The following JMJD1C variants were observed in gnomAD, a reference collection of about 807,000 sequenced individuals.
The protein encoded by JMJD1C is jumonji domain-containing protein 1C.
JMJD1C carries 31 observed loss-of-function variants against 245.3 expected under a neutral mutation model. That is an observed-to-expected ratio of 0.13 (90% CI 0.09 to 0.17). The LOEUF (loss-of-function observed/expected upper bound fraction) is 0.17. JMJD1C is among the 10% of genes least tolerant of loss of function. The probability of loss-of-function intolerance (pLI) is 1.00; values close to 1 mark genes in which losing one functional copy is unlikely to be tolerated. For synonymous variants in JMJD1C, 1,057 were observed against 1,017.4 expected, an observed-to-expected ratio of 1.04 and a Z score of -0.74; for missense variants, 2,691 against 3,000.2, an observed-to-expected ratio of 0.90 and a Z score of 2.41.
chr10:63,190,038 G>T (rs1844587101), intron 17 of JMJD1C, among the ~76,000 whole-genome samples: 1 of 151,562 alleles, frequency 6.6e-6, no homozygotes, highest in South Asian at 2.1e-4. Flanking sequence ...TTACAAGCAT[G>T]CATCACCATG....
intron 2 of JMJD1C, among the ~76,000 whole-genome samples, chr10:63,268,117 T>TAAAA (rs5785563): frequency 1.4e-5 from 2 of 147,270 alleles, no homozygotes. Context: ...AATTCCAAGT[T>TAAAA]AAAAAAAAAA....
chr10:63,375,535 C>CGTGTGTGTGT (rs1206144769), intron 2 of JMJD1C, among the ~76,000 whole-genome samples: 39 of 147,472 alleles, frequency 2.6e-4, no homozygotes, highest in South Asian at 1.5e-3. Context: ...AATATTTACA[C>CGTGTGTGTGT]GTGTGTGTGT....
intron 2 of JMJD1C, chr10:63,269,287 C>A (rs1856004260): frequency 1.2e-6 from 1 of 817,120 alleles, no homozygotes. Flanking sequence ...TAACTAATCC[C>A]CCGTCACAGG....
At chr10:63,439,017 G>GCCT (rs1429932071) in intron 1 of JMJD1C, among the ~76,000 whole-genome samples, 1 of 152,072 alleles carries the variant, frequency 6.6e-6, no homozygotes, top group Non-Finnish European at 1.5e-5. Context: ...TATTCCCAGT[G>GCCT]CCTGATATGT....
intron 1 of JMJD1C, among the ~76,000 whole-genome samples, chr10:63,414,545 C>A (rs558946948): frequency 6.6e-6 from 1 of 151,906 alleles, no homozygotes; most frequent in African/African-American, 2.4e-5. Flanking sequence ...TACTGACATA[C>A]AAGAAAAATC....
At chr10:63,333,189 A>G (rs1318793103) in intron 2 of JMJD1C, among the ~76,000 whole-genome samples, 1 of 152,196 alleles carries the variant, frequency 6.6e-6, no homozygotes, top group Non-Finnish European at 1.5e-5. Context: ...GGCATGATAC[A>G]AAATTTTTAA....
In JMJD1C at chr10:63,474,305, C is replaced by T. The variant is rs140047700; in HGVS notation, n.113+47433G>A. On this transcript the variant is annotated intron_variant and non_coding_transcript_variant, in intron 1 of 3. Transcript: ENST00000633035. ...ACTGATTGCTGAGTCTCTCCTCAAT[C>T]GCTAAAATGAGTGGGAGTGTAAGAG... Among the ~76,000 whole-genome samples, 490 of 152,220 alleles carry T rather than the reference C, an allele frequency of 3.2e-3. 2 individuals are homozygous for T. The highest frequency in any genetic ancestry group is 0.011 in the African/African-American group (475 of 41,534).
At chr10:63,405,963 A>G (rs1282346729) in intron 1 of JMJD1C, among the ~76,000 whole-genome samples, 1 of 152,214 alleles carries the variant, frequency 6.6e-6, no homozygotes, top group African/African-American at 2.4e-5. Flanking sequence ...CATCAATCTT[A>G]TAAGAACGTT....
chr10:63,499,437 C>T (rs1954470948), intron 1 of JMJD1C, among the ~76,000 whole-genome samples: 1 of 152,184 alleles, frequency 6.6e-6, no homozygotes, highest in Non-Finnish European at 1.5e-5. Flanking sequence ...GGTGACCTGC[C>T]TTTAGTGGAT....
At chr10:63,448,860 G>A (rs1299137750) in intron 1 of JMJD1C, among the ~76,000 whole-genome samples, 1 of 152,232 alleles carries the variant, frequency 6.6e-6, no homozygotes, top group Non-Finnish European at 1.5e-5. Flanking sequence ...GCTCACACCT[G>A]TAATCCCAGC....
intron 3 of JMJD1C, among the ~76,000 whole-genome samples, chr10:63,234,590 A>C (rs554800179): frequency 6.7e-6 from 1 of 149,634 alleles, no homozygotes; most frequent in African/African-American, 2.5e-5. Context: ...TTAAATTTTT[A>C]GATTTGCTAA....
At chr10:63,194,581 C>G in intron 13 of JMJD1C, 1 of 433,360 alleles carries the variant, frequency 2.3e-6, no homozygotes, top group Non-Finnish European at 4.2e-6. Context: ...AAAAACAGTT[C>G]CACCATTTCC....
chr10:63,290,159 G>A (rs1250645329), intron 2 of JMJD1C, among the ~76,000 whole-genome samples: 4 of 152,006 alleles, frequency 2.6e-5, no homozygotes, highest in African/African-American at 9.7e-5. Flanking sequence ...TTAAAGGAAG[G>A]TCTAAACTTT....
chr10:63,375,535 CGTGTGT>C (rs1206144769), intron 2 of JMJD1C, among the ~76,000 whole-genome samples: 16 of 147,472 alleles, frequency 1.1e-4, no homozygotes, highest in East Asian at 6.1e-4. Flanking sequence ...AATATTTACA[CGTGTGT>C]GTGTGTGTGT....
chr10:63,460,269 C>T (rs555636527), intron 1 of JMJD1C, among the ~76,000 whole-genome samples: 8 of 152,306 alleles, frequency 5.3e-5, no homozygotes, highest in Non-Finnish European at 8.8e-5. Flanking sequence ...GTAATCCCAG[C>T]ATTTTGGGAG....
chr10:63,218,942 A>G (rs1247621288), intron 4 of JMJD1C, among the ~76,000 whole-genome samples: 1 of 152,156 alleles, frequency 6.6e-6, no homozygotes, highest in Admixed American at 6.5e-5. Flanking sequence ...TTTCAGAATA[A>G]TGTTCCAGCA....
At chr10:63,344,413 T>C (rs558058810) in intron 2 of JMJD1C, among the ~76,000 whole-genome samples, 45 of 152,254 alleles carry the variant, frequency 3.0e-4, no homozygotes, top group Admixed American at 9.2e-4. Context: ...GTAAGAACAC[T>C]CTGTGGTGTT....
intron 1 of JMJD1C, among the ~76,000 whole-genome samples, chr10:63,486,180 A>G (rs1953996919): frequency 6.9e-6 from 1 of 145,640 alleles, no homozygotes; most frequent in African/African-American, 2.5e-5. Context: ...AAAAAACAGA[A>G]AACTTGAGAG....
intron 16 of JMJD1C, among the ~76,000 whole-genome samples, chr10:63,192,309 C>T (rs1223174704): frequency 6.7e-6 from 1 of 149,702 alleles, no homozygotes; most frequent in Non-Finnish European, 1.5e-5. Context: ...GTGGTTCACA[C>T]CTGTAATCCC....
Sources: gnomAD v4.1 joint callset for allele counts (sites outside exome capture counted in the v4.1 genomes callset) on GRCh38, gnomAD v4.1.1 for gene constraint, MANE v1.5 for transcripts, NCBI Gene and HGNC (gene_info 2026-07-23, HGNC 2026-07-21) for gene names.